EDARADD: variants seen among roughly 807,000 people sequenced by gnomAD.
The protein encoded by EDARADD is EDAR associated via death domain.
EDARADD carries 20 observed loss-of-function variants against 25.6 expected under a neutral mutation model. The observed-to-expected ratio is 0.78, with a 90% confidence interval of 0.55 to 1.14. The LOEUF is 1.14. Among genes scored for constraint, EDARADD ranks in the 50% most tolerant of loss-of-function variants. The probability of loss-of-function intolerance (pLI) is 0.00; values close to 1 mark genes in which losing one functional copy is unlikely to be tolerated. For missense variants in EDARADD, 225 were observed against 270.1 expected (o/e 0.83, Z 1.17); for synonymous variants, 86 against 94.4 (o/e 0.91, Z 0.52).
chr1:236,431,079 C>T (rs1328735782), intron 4 of EDARADD, among the ~76,000 whole-genome samples: 1 of 152,034 alleles, frequency 6.6e-6, no homozygotes, highest in East Asian at 1.9e-4. Context: ...TGTGCCACTG[C>T]ACTCCAGCCT....
At chr1:236,460,431 C>T (rs1033477854) in intron 4 of EDARADD, among the ~76,000 whole-genome samples, 2 of 152,018 alleles carry the variant, frequency 1.3e-5, no homozygotes, top group African/African-American at 4.8e-5. Flanking sequence ...GACAATCCAC[C>T]CACCTTGGCC....
chr1:236,356,423 G>A (rs1228189500), intron 3 of EDARADD, among the ~76,000 whole-genome samples: 1 of 152,096 alleles, frequency 6.6e-6, no homozygotes, highest in Non-Finnish European at 1.5e-5. Flanking sequence ...GGCTTAGCCC[G>A]GAGAACAATG....
chr1:236,462,057 G>C (rs1659052151), intron 4 of EDARADD, among the ~76,000 whole-genome samples: 1 of 152,126 alleles, frequency 6.6e-6, no homozygotes, highest in Non-Finnish European at 1.5e-5. Context: ...CAGGACAGTT[G>C]GTTTTTGGAA....
chr1:236,414,329 A>G (rs752178442), intron 3 of EDARADD, 30 bp downstream of exon 3: 3 of 1,557,496 alleles, frequency 1.9e-6, no homozygotes, highest in South Asian at 1.1e-5. Context: ...CTACTTGAAC[A>G]TGTGATTATT....
intron 1 of EDARADD, among the ~76,000 whole-genome samples, chr1:236,405,644 C>G (rs965610282): frequency 6.8e-6 from 1 of 146,042 alleles, no homozygotes; most frequent in African/African-American, 2.5e-5. Flanking sequence ...TTTTAACTGT[C>G]CTGTGTGTGT....
At chr1:236,429,920 A>T (rs1477045114) in intron 4 of EDARADD, among the ~76,000 whole-genome samples, 1 of 152,242 alleles carries the variant, frequency 6.6e-6, no homozygotes, top group Non-Finnish European at 1.5e-5. Context: ...TGCCTCAAAT[A>T]GGCTGATTCA....
At chr1:236,427,325 A>C in intron 3 of EDARADD, 67 bp from the exon 4 acceptor site, 5 of 1,499,872 alleles carry the variant, frequency 3.3e-6, no homozygotes, top group Non-Finnish European at 3.7e-6. Flanking sequence ...TAGGTCTTAC[A>C]CCACGGAGTG....
At chr1:236,423,432 G>A (rs1249624465) in intron 3 of EDARADD, among the ~76,000 whole-genome samples, 3 of 152,180 alleles carry the variant, frequency 2.0e-5, no homozygotes, top group Admixed American at 2.0e-4. Flanking sequence ...CGTGAGCATT[G>A]TTGTGAGTAC....
chr1:236,395,373 C>G lies in EDARADD; in HGVS notation c.61+868C>G. On this transcript the variant is annotated intron_variant, in intron 1 of 5. Coordinates refer to ENST00000334232, the MANE Select transcript of EDARADD (RefSeq NM_145861.4). This position sits in a 1 kb window ranked among gnomAD's most constrained non-coding sequence, Gnocchi z 6.9. Reference sequence around the variant, plus strand: ...GCACCCCGGCTCCCGCCCCGCGCCTCTGGAGGGAGGTACCGAGGGACGCGC... The same window carrying G: ...GCACCCCGGCTCCCGCCCCGCGCCTGTGGAGGGAGGTACCGAGGGACGCGC... 1 of 1,368,342 alleles carries G rather than the reference C, an allele frequency of 7.3e-7. No homozygotes were observed. The highest frequency in any genetic ancestry group is 9.4e-7 in the Non-Finnish European group (1 of 1,059,306). The allele number at this position is 1,368,342 out of a possible 1,614,324, so 84.8% of individuals were successfully genotyped here.
At chr1:236,442,110 T>C (rs1658418195) in intron 4 of EDARADD, among the ~76,000 whole-genome samples, 1 of 151,666 alleles carries the variant, frequency 6.6e-6, no homozygotes. Context: ...GAAGACGCCA[T>C]CTAGGACTTT....
chr1:236,389,910 G>A (rs1313409080), upstream of EDARADD, among the ~76,000 whole-genome samples: 1 of 152,152 alleles, frequency 6.6e-6, no homozygotes, highest in Admixed American at 6.5e-5. Flanking sequence ...TCAAGAGGCT[G>A]AGGTGGAGGG....
chr1:236,395,593 C>T lies in EDARADD; in HGVS notation c.61+1088C>T, dbSNP rs962864704. 1 of 1,550,384 alleles carries T rather than the reference C, an allele frequency of 6.5e-7. No individual in the cohort carries two copies. The highest frequency in any genetic ancestry group is 8.7e-7 in the Non-Finnish European group (1 of 1,149,750). ...CTCCCGCGCCCCGGAGGCCTGCCAG[C>T]CCCGCTCGGACGCTCGTTTGCCCCT... is the stretch of plus-strand genomic sequence containing the variant. On this transcript the variant is annotated intron_variant, in intron 1 of 5. Transcript: ENST00000334232. This position sits in a 1 kb window ranked among gnomAD's most constrained non-coding sequence, Gnocchi z 6.9.
At chr1:236,377,807 A>C (rs773709164) in intron 3 of EDARADD, among the ~76,000 whole-genome samples, 5 of 151,922 alleles carry the variant, frequency 3.3e-5, no homozygotes, top group South Asian at 2.1e-4. Flanking sequence ...GCAGTGAGCC[A>C]AGATCGTGCC....
intron 1 of EDARADD, among the ~76,000 whole-genome samples, chr1:236,397,704 A>G (rs1667541126): frequency 6.6e-6 from 1 of 152,188 alleles, no homozygotes; most frequent in Admixed American, 6.5e-5. Flanking sequence ...GAGGCCTCCT[A>G]AGGGTGAGAG....
At chr1:236,441,312 A>G (rs1428274819) in intron 4 of EDARADD, among the ~76,000 whole-genome samples, 1 of 145,154 alleles carries the variant, frequency 6.9e-6, no homozygotes, top group Admixed American at 7.0e-5. Flanking sequence ...TCATATATAA[A>G]TATATATAAA....
chr1:236,362,895 G>A (rs1667066028), intron 3 of EDARADD, among the ~76,000 whole-genome samples: 1 of 148,472 alleles, frequency 6.7e-6, no homozygotes, highest in South Asian at 2.1e-4. Context: ...GCTGGTTGCA[G>A]TGGCTCATGC....
intron 4 of EDARADD, among the ~76,000 whole-genome samples, chr1:236,446,031 T>A (rs1051525793): frequency 6.6e-6 from 1 of 152,238 alleles, no homozygotes; most frequent in Admixed American, 6.5e-5. Flanking sequence ...ATTATTGATG[T>A]CTGCAGCGCA....
chr1:236,404,764 C>T (rs1163641263), intron 1 of EDARADD, among the ~76,000 whole-genome samples: 10 of 152,126 alleles, frequency 6.6e-5, no homozygotes, highest in South Asian at 4.2e-4. Context: ...GATCACATCG[C>T]GGCACTCCAG....
chr1:236,469,647 G>A (rs146836317), intron 5 of EDARADD, among the ~76,000 whole-genome samples: 90 of 152,194 alleles, frequency 5.9e-4, no homozygotes, highest in African/African-American at 2.1e-3. Context: ...CATCAGCCCA[G>A]GTAACCAAGC....
Sources: gnomAD v4.1 joint callset for allele counts (sites outside exome capture counted in the v4.1 genomes callset) on GRCh38, gnomAD v4.1.1 for gene constraint, Gnocchi (gnomAD v3.1) non-coding constraint, MANE v1.5 for transcripts, NCBI Gene and HGNC (gene_info 2026-07-23, HGNC 2026-07-21) for gene names.